The following CYP4V2 variants were observed in gnomAD, a reference collection of about 807,000 sequenced individuals.
The protein encoded by CYP4V2 is cytochrome P450 family 4 subfamily V member 2.
In CYP4V2, 55 loss-of-function variants were observed where a neutral mutation model predicts 60.8. The observed-to-expected ratio is 0.90, with a 90% CI of 0.73 to 1.13. The LOEUF (loss-of-function observed/expected upper bound fraction) is 1.13. Ranked by LOEUF, CYP4V2 falls within the 50% of genes most tolerant of loss-of-function variation. The pLI, the probability that CYP4V2 is intolerant of heterozygous loss-of-function variation, is 0.00. For missense variants in CYP4V2, 675 were observed against 662.9 expected (o/e 1.02, Z -0.20); for synonymous variants, 239 against 236.8 (o/e 1.01, Z -0.08).
Position 186,212,146 on chromosome 4 carries a change from A to C in CYP4V2, c.*1505A>C, listed in dbSNP as rs181411702. On this transcript the variant is annotated 3_prime_UTR_variant, in exon 11 of 11. Transcript: ENST00000378802. The stretch of plus-strand genomic sequence containing the variant: ...GAGCTGGAAATACGTAGAGATCTAT[A>C]CCCTTAAATCTCTCCACTCACATGC... 1 of 152,312 alleles carries C rather than the reference A, an allele frequency of 6.6e-6. No individual in the cohort carries two copies. The highest frequency in any genetic ancestry group is 2.4e-5 in the African/African-American group (1 of 41,558). The allele number at this position is 152,312 out of a possible 1,614,324, so 9.4% of individuals were successfully genotyped here.
Sources: gnomAD v4.1 joint callset for allele counts on GRCh38, gnomAD v4.1.1 for gene constraint, MANE v1.5 for transcripts, NCBI Gene and HGNC (gene_info 2026-07-23, HGNC 2026-07-21) for gene names.